The following PTPRG variants were observed in gnomAD, a reference collection of about 807,000 sequenced individuals.
The protein encoded by PTPRG is receptor-type tyrosine-protein phosphatase gamma.
In PTPRG, 102 loss-of-function variants were observed where a neutral mutation model predicts 165.3. The ratio of observed to expected loss-of-function variants is 0.62; its 90% CI spans 0.53 to 0.73. The LOEUF (loss-of-function observed/expected upper bound fraction) is 0.73, where lower values mean the gene tolerates loss of function less well. PTPRG is among the 30% of genes least tolerant of loss of function. The probability of loss-of-function intolerance (pLI) is 0.00; values close to 1 mark genes in which losing one functional copy is unlikely to be tolerated. For missense variants in PTPRG, 1,866 were observed against 1,861.4 expected (o/e 1.00, Z -0.05); for synonymous variants, 675 against 669.5 (o/e 1.01, Z -0.13).
chr3:61,779,742 C>T (rs2034490095), intron 2 of PTPRG, among the ~76,000 whole-genome samples: 1 of 152,070 alleles, frequency 6.6e-6, no homozygotes, highest in African/African-American at 2.4e-5. Context: ...AATATCCCAC[C>T]CACATTTTCT....
At chr3:62,277,762 T>C (rs1702280219) in intron 26 of PTPRG, 83 bp downstream of exon 26, 2 of 1,529,418 alleles carry the variant, frequency 1.3e-6, no homozygotes, top group Admixed American at 1.8e-5. Flanking sequence ...CATAGGGCTA[T>C]AGTATCCATA....
At chr3:61,930,645 T>C (rs935375696) in intron 2 of PTPRG, among the ~76,000 whole-genome samples, 2 of 152,226 alleles carry the variant, frequency 1.3e-5, no homozygotes, top group Non-Finnish European at 2.9e-5. Context: ...ACAGTTGTTC[T>C]TTTTTGTGGA....
In PTPRG at chr3:61,585,132, T is replaced by G. The variant is rs570430296; in HGVS notation, c.85+22760T>G. Among the ~76,000 whole-genome samples, 6 of 151,294 alleles carry G rather than the reference T, an allele frequency of 4.0e-5. No individual in the cohort carries two copies. The East Asian group carries it at 1.2e-3, about 30-fold the overall frequency. Reference sequence around the variant, plus strand: ...CCCATCTGTATTAAAAATACAAAAATTAGCCTGGTCTGATGTCTGGCACCT... The same window carrying G: ...CCCATCTGTATTAAAAATACAAAAAGTAGCCTGGTCTGATGTCTGGCACCT... On this transcript the variant is annotated intron_variant, in intron 1 of 29. Transcript: ENST00000474889.
At chr3:62,257,140 A>G (rs1701554560) in intron 16 of PTPRG, among the ~76,000 whole-genome samples, 1 of 152,194 alleles carries the variant, frequency 6.6e-6, no homozygotes, top group Non-Finnish European at 1.5e-5. Context: ...ACAGCAAAGC[A>G]GCAACGTAAA....
intron 2 of PTPRG, among the ~76,000 whole-genome samples, chr3:61,767,523 C>T (rs1456694463): frequency 6.6e-6 from 1 of 152,146 alleles, no homozygotes; most frequent in Non-Finnish European, 1.5e-5. Flanking sequence ...TTAAAATATT[C>T]TTTCATATTA....
At chr3:61,646,748 C>G (rs1702212306) in intron 1 of PTPRG, among the ~76,000 whole-genome samples, 1 of 152,164 alleles carries the variant, frequency 6.6e-6, no homozygotes, top group Admixed American at 6.5e-5. Context: ...AATCTAGATA[C>G]AGGACAGTTC....
At chr3:61,803,306 A>G (rs61135440) in intron 2 of PTPRG, among the ~76,000 whole-genome samples, 51,072 of 152,122 alleles carry the variant, frequency 0.34, 9,067 homozygotes, top group Middle Eastern at 0.42. Context: ...TTCAACCTGC[A>G]ATCGATAAAA....
chr3:61,578,159 G>C (rs1473272983), intron 1 of PTPRG, among the ~76,000 whole-genome samples: 1 of 152,200 alleles, frequency 6.6e-6, no homozygotes, highest in Non-Finnish European at 1.5e-5. Context: ...TACATCGTGG[G>C]ACCTGTGTGG....
chr3:62,187,336 C>A (rs1189004459), intron 8 of PTPRG, among the ~76,000 whole-genome samples: 1 of 152,236 alleles, frequency 6.6e-6, no homozygotes, highest in Admixed American at 6.5e-5. Context: ...CTTGGCCTCT[C>A]CTTACTGTCG....
At chr3:62,015,825 C>G (rs6807754) in intron 4 of PTPRG, among the ~76,000 whole-genome samples, 7 of 151,938 alleles carry the variant, frequency 4.6e-5, no homozygotes, top group South Asian at 2.1e-4. Context: ...AGAAGATGCT[C>G]GTGGAGGGGA....
intron 4 of PTPRG, among the ~76,000 whole-genome samples, chr3:62,055,396 G>A (rs1700600432): frequency 6.6e-6 from 1 of 152,178 alleles, no homozygotes; most frequent in African/African-American, 2.4e-5. Flanking sequence ...TGTTTGTTGA[G>A]CTTGTAACAC....
chr3:61,773,418 TAGAA>T (rs958527374), intron 2 of PTPRG, among the ~76,000 whole-genome samples: 38 of 152,282 alleles, frequency 2.5e-4, no homozygotes, highest in African/African-American at 8.9e-4. Context: ...TCCAATTTGA[TAGAA>T]AGAAGTGGTG....
intron 2 of PTPRG, among the ~76,000 whole-genome samples, chr3:61,932,426 A>C (rs2039384364): frequency 6.6e-6 from 1 of 152,200 alleles, no homozygotes; most frequent in Non-Finnish European, 1.5e-5. Flanking sequence ...CATGTAGGAG[A>C]CTATGAATAC....
intron 1 of PTPRG, among the ~76,000 whole-genome samples, chr3:61,706,592 C>T (rs1311602309): frequency 6.6e-6 from 1 of 151,210 alleles, no homozygotes; most frequent in East Asian, 2.0e-4. Flanking sequence ...CTCCGGGGTT[C>T]AAGCGATTCT....
At chr3:61,809,134 C>A (rs1334317230) in intron 2 of PTPRG, among the ~76,000 whole-genome samples, 1 of 148,952 alleles carries the variant, frequency 6.7e-6, no homozygotes, top group Non-Finnish European at 1.5e-5. Flanking sequence ...AGTGAAGGCC[C>A]AGTAACTGTT....
chr3:61,930,847 G>A (rs915357450), intron 2 of PTPRG, among the ~76,000 whole-genome samples: 4 of 152,146 alleles, frequency 2.6e-5, no homozygotes, highest in African/African-American at 4.8e-5. Flanking sequence ...ATCATCACGA[G>A]GTCAGGAGTT....
At chr3:62,282,650 A>G in intron 27 of PTPRG, 77 bp from the exon 28 acceptor site, 1 of 1,451,338 alleles carries the variant, frequency 6.9e-7, no homozygotes, top group Non-Finnish European at 9.2e-7. Flanking sequence ...TGGCTTTCTC[A>G]GGAGCAAGTT....
At chr3:61,912,678 C>A (rs910725744) in intron 2 of PTPRG, among the ~76,000 whole-genome samples, 2 of 152,214 alleles carry the variant, frequency 1.3e-5, no homozygotes, top group African/African-American at 4.8e-5. Flanking sequence ...TTTAATTCCC[C>A]TTATTCTTGT....
intron 2 of PTPRG, among the ~76,000 whole-genome samples, chr3:61,840,907 G>A (rs988143209): frequency 8.7e-5 from 13 of 149,916 alleles, no homozygotes; most frequent in Admixed American, 3.4e-4. Flanking sequence ...TCAGCCTCCC[G>A]AGTAGCTGGA....
Sources: gnomAD v4.1 joint callset for allele counts (sites outside exome capture counted in the v4.1 genomes callset) on GRCh38, gnomAD v4.1.1 for gene constraint, MANE v1.5 for transcripts, NCBI Gene and HGNC (gene_info 2026-07-23, HGNC 2026-07-21) for gene names.